CPED1: variants seen among roughly 807,000 people sequenced by gnomAD.
CPED1 encodes cadherin-like and PC-esterase domain-containing protein 1.
Under a neutral mutation model 128.2 loss-of-function variants are expected in CPED1, and 114 were observed. That is an observed-to-expected ratio of 0.89 (90% CI 0.76 to 1.04). The LOEUF (loss-of-function observed/expected upper bound fraction) is 1.04. CPED1 is among the 50% of genes least tolerant of loss of function. CPED1 has a pLI of 0.00. For missense variants in CPED1, 1,211 were observed against 1,207.1 expected (o/e 1.00, Z -0.05); for synonymous variants, 462 against 426.7 (o/e 1.08, Z -1.02).
chr7:121,002,228 C>A (rs936382174), intron 2 of CPED1, among the ~76,000 whole-genome samples: 2 of 152,136 alleles, frequency 1.3e-5, no homozygotes, highest in Non-Finnish European at 2.9e-5. Flanking sequence ...AAGCCTACTT[C>A]TTCCCTAGTG....
intron 3 of CPED1, among the ~76,000 whole-genome samples, chr7:121,032,468 A>C (rs1371499552): frequency 6.8e-6 from 1 of 146,552 alleles, no homozygotes; most frequent in Admixed American, 7.0e-5. Context: ...GTGTCTCATA[A>C]GTAGGAGGTG....
At chr7:121,280,443 G>A (rs184227049) in intron 22 of CPED1, among the ~76,000 whole-genome samples, 43 of 152,284 alleles carry the variant, frequency 2.8e-4, no homozygotes, top group Admixed American at 6.5e-4. Context: ...CGTTGTCCAA[G>A]GGCAGGAGTT....
chr7:121,178,334 A>G (rs1344298390), intron 16 of CPED1, among the ~76,000 whole-genome samples: 4 of 152,084 alleles, frequency 2.6e-5, no homozygotes, highest in African/African-American at 9.7e-5. Context: ...AGAAAGTTAC[A>G]TTTTACACAC....
At chr7:121,050,460 G>GTTTTTTTTTTTTTTTTTTTTTTTTTTTT in intron 4 of CPED1, 1 of 108,482 alleles carries the variant, frequency 9.2e-6, no homozygotes, top group Non-Finnish European at 1.7e-5. Context: ...GGCAATATAG[G>GTTTTTTTTTTTTTTTTTTTTTTTTTTTT]TTTTTTTTTT....
chr7:121,275,721 G>A (rs1792317595), intron 22 of CPED1, among the ~76,000 whole-genome samples: 1 of 152,006 alleles, frequency 6.6e-6, no homozygotes, highest in Non-Finnish European at 1.5e-5. Flanking sequence ...TGGTACTATA[G>A]AAAGAAGAAA....
At chr7:121,264,861 G>A (rs1792090963) in intron 18 of CPED1, among the ~76,000 whole-genome samples, 1 of 152,042 alleles carries the variant, frequency 6.6e-6, no homozygotes, top group African/African-American at 2.4e-5. Flanking sequence ...AAAAGTGCAT[G>A]CATGGTACTA....
intron 16 of CPED1, among the ~76,000 whole-genome samples, chr7:121,158,155 A>C (rs1796334332): frequency 6.6e-6 from 1 of 152,232 alleles, no homozygotes; most frequent in Non-Finnish European, 1.5e-5. Flanking sequence ...TTATTGGGTC[A>C]TGGTATCAAC....
intron 4 of CPED1, among the ~76,000 whole-genome samples, chr7:121,058,452 CAA>C (rs1793559766): frequency 6.6e-6 from 1 of 152,098 alleles, no homozygotes; most frequent in Non-Finnish European, 1.5e-5. Context: ...GTATAAATGA[CAA>C]ATAATAATAG....
intron 22 of CPED1, among the ~76,000 whole-genome samples, chr7:121,288,807 G>C (rs1562863810): frequency 1.3e-5 from 2 of 152,098 alleles, no homozygotes; most frequent in Admixed American, 6.6e-5. Context: ...CAGAACTCTA[G>C]ATAAAATCGT....
intron 16 of CPED1, among the ~76,000 whole-genome samples, chr7:121,213,670 G>C (rs1797697729): frequency 6.6e-6 from 1 of 152,006 alleles, no homozygotes; most frequent in Non-Finnish European, 1.5e-5. Context: ...TTACAGGTTA[G>C]AATATTATTC....
rs140482788 is a variant in CPED1, at chr7:121,006,244, G to T, written c.250-9421G>T. 8.1e-3 allele frequency among the ~76,000 whole-genome samples: 1,236 copies of T among 152,128 alleles called. 6 individuals are homozygous for T. The highest frequency in any genetic ancestry group is 0.02 in the Middle Eastern group (6 of 294). On this transcript the variant is annotated intron_variant, in intron 2 of 22. Coordinates refer to ENST00000310396, the MANE Select transcript of CPED1 (RefSeq NM_024913.5). ...TATTAACATTTTTCAAAAGAACAAG[G>T]TCTTTCCTTGTCCTCTGCTTGTTAT...
chr7:121,014,304 G>A (rs1792240922), intron 2 of CPED1, among the ~76,000 whole-genome samples: 1 of 152,182 alleles, frequency 6.6e-6, no homozygotes. Flanking sequence ...TGTAATCCCA[G>A]CACTTCGGGA....
At chr7:120,998,560 C>T (rs1585008458) in intron 2 of CPED1, among the ~76,000 whole-genome samples, 1 of 152,060 alleles carries the variant, frequency 6.6e-6, no homozygotes, top group East Asian at 1.9e-4. Context: ...TCTGTGGACC[C>T]TATAGACCCT....
Position 120,989,685 on chromosome 7 carries a change from T to G in CPED1, c.64T>G (p.Leu22Val). ...TTGCCCCCGACCCTTCTTGGTGGGC[T>G]TAGTGGTGGCAATCTGTCTCTTCTA... ...RFCPRPFLVG[L>V]VVAICLFYQT... Residue 22 changes from leucine to valine, a missense_variant, in exon 2 of 23, where the codon TTA (leucine) becomes GTA (valine). Physicochemically the swap from Leu to Val is conservative, Grantham distance 32 (BLOSUM62 1). Transcript: ENST00000310396. The G allele has an allele frequency of 6.2e-7, 1 of 1,613,976 alleles. No homozygotes were observed. The highest frequency in any genetic ancestry group is 8.5e-7 in the Non-Finnish European group (1 of 1,179,992).
chr7:121,091,696 G>A (rs1424863446), intron 5 of CPED1, among the ~76,000 whole-genome samples: 1 of 152,122 alleles, frequency 6.6e-6, no homozygotes. Context: ...CATGAGGTAA[G>A]TTCTTAGTAT....
In CPED1 at chr7:121,033,183, C is replaced by T. The variant is rs1175980740; in HGVS notation, c.434-13704C>T. Among the ~76,000 whole-genome samples the T allele has an allele frequency of 2.0e-5, 3 of 152,238 alleles. No individual in the cohort carries two copies. The East Asian group carries it at 5.8e-4, about 29-fold the overall frequency. On this transcript the variant is annotated intron_variant, in intron 3 of 22. Transcript: ENST00000310396. ...TCCTCTCTTTTTCTTAGATTGAAACCACTGCTGAGTGTCTGTCAAGTTAAT... is the reference window on the plus strand; with the variant it reads ...TCCTCTCTTTTTCTTAGATTGAAACTACTGCTGAGTGTCTGTCAAGTTAAT...
intron 11 of CPED1, 93 bp downstream of exon 11, chr7:121,128,579 G>A (rs924283597): frequency 5.7e-6 from 4 of 696,194 alleles, no homozygotes; most frequent in Middle Eastern, 3.1e-4. Context: ...ACTAGATTAA[G>A]TATTTCTTTA....
chr7:121,143,045 G>A (rs536471428), intron 16 of CPED1, among the ~76,000 whole-genome samples: 8 of 151,976 alleles, frequency 5.3e-5, no homozygotes, highest in Admixed American at 1.3e-4. Context: ...TGTCTTATCT[G>A]TTTCCAAGAG....
Position 120,989,414 on chromosome 7 carries a change from C to T in CPED1, c.-208C>T. The T allele has an allele frequency of 1.7e-6, 1 of 575,014 alleles. No homozygotes were observed. Among genetic ancestry groups the T allele is most frequent in the Non-Finnish European group, 3.1e-6 (1 of 326,288 alleles). 35.6% of individuals were successfully genotyped at this position (575,014 alleles called of 1,614,324 possible). A position where few individuals can be genotyped will look rare whatever the true frequency, so the allele number is the denominator to read the frequency against. On this transcript the variant is annotated 5_prime_UTR_variant, in exon 2 of 23. Transcript: ENST00000310396. ...AGGTCATCCACTTTTGACTGTCATCCATGGAAGAGCTCTTATTAAAAGCCT... is the reference window on the plus strand; with the variant it reads ...AGGTCATCCACTTTTGACTGTCATCTATGGAAGAGCTCTTATTAAAAGCCT...
Sources: gnomAD v4.1 joint callset for allele counts (sites outside exome capture counted in the v4.1 genomes callset) on GRCh38, gnomAD v4.1.1 for gene constraint, MANE v1.5 for transcripts, NCBI Gene and HGNC (gene_info 2026-07-23, HGNC 2026-07-21) for gene names.